Variants in CERS3 observed in about 807,000 individuals in gnomAD.
The protein encoded by CERS3 is LAG1 homolog, ceramide synthase 3.
In CERS3, 33 loss-of-function variants were observed where a neutral mutation model predicts 50.3. The observed-to-expected ratio is 0.66, with a 90% confidence interval of 0.50 to 0.88. The LOEUF is 0.88. CERS3 is among the 40% of genes least tolerant of loss of function. The pLI is 0.00. For missense variants in CERS3, 470 were observed against 460.3 expected (o/e 1.02, Z -0.19); for synonymous variants, 176 against 155.2 (o/e 1.13, Z -0.99).
rs986533297 is a variant in CERS3 at position 100,421,821 on chromosome 15, C to T, written c.1000-18956G>A. Among the ~76,000 whole-genome samples, 18 of 101,674 alleles carry T rather than the reference C, an allele frequency of 1.8e-4. 1 individual carries two copies. Among genetic ancestry groups the T allele is most frequent in the Admixed American group, 7.7e-4 (7 of 9,052 alleles). The allele number at this position is 101,674 out of a possible 152,430, so 66.7% of individuals were successfully genotyped here. ...TGATCTTTGACAAACCTGAGAAAAA[C>T]AAGCAATGGGGAAAGGATTCCCTAT... On this transcript the variant is annotated intron_variant, in intron 11 of 11. Coordinates refer to ENST00000679737, the MANE Select transcript of CERS3 (RefSeq NM_001378789.1).
rs950942254 is a variant in CERS3 at position 100,455,946 on chromosome 15, G to C, written c.946C>G (p.Leu316Val). 2 of 1,613,334 alleles carry C rather than the reference G, an allele frequency of 1.2e-6. No homozygotes were observed. Among genetic ancestry groups the C allele is most frequent in the Non-Finnish European group, 8.5e-7 (1 of 1,179,524 alleles). ...LQLMILQVLHLYWGYYILKML... is the reference protein window; with the variant it reads ...LQLMILQVLHVYWGYYILKML... Reference sequence around the variant, plus strand: ...TTCAAGATGTAATAACCCCAGTAAAGGTGAAGGACCTGCAAGATCATGAGC... The same window carrying C: ...TTCAAGATGTAATAACCCCAGTAAACGTGAAGGACCTGCAAGATCATGAGC... Residue 316 changes from leucine (L) to valine (V), a missense_variant, in exon 11 of 12, where the codon CTT becomes GTT. By Grantham distance (32) the Leu-to-Val change is conservative. Transcript: ENST00000679737.
intron 11 of CERS3, among the ~76,000 whole-genome samples, chr15:100,427,246 T>A (rs1437524029): frequency 1.3e-5 from 2 of 151,994 alleles, no homozygotes; most frequent in East Asian, 1.9e-4. Context: ...CAGCGCTGCA[T>A]CCCTGTCTCG....
chr15:100,405,244 A>AAC (rs2030911216), intron 11 of CERS3, among the ~76,000 whole-genome samples: 1 of 38,744 alleles, frequency 2.6e-5, no homozygotes, highest in African/African-American at 6.7e-5. Flanking sequence ...AAAAAAAAAA[A>AAC]AAAACAAAAA....
chr15:100,520,827 C>G (rs9806246), intron 2 of CERS3, among the ~76,000 whole-genome samples: 1 of 152,072 alleles, frequency 6.6e-6, no homozygotes, highest in Non-Finnish European at 1.5e-5. Flanking sequence ...CAGCTGGTGC[C>G]GGGAGAGCAT....
intron 10 of CERS3, among the ~76,000 whole-genome samples, chr15:100,456,410 T>C (rs919636937): frequency 1.3e-5 from 2 of 152,204 alleles, no homozygotes; most frequent in African/African-American, 2.4e-5. Context: ...ATAATGCATG[T>C]TTACATGAGG....
chr15:100,424,221 G>A (rs2032663363), intron 11 of CERS3, among the ~76,000 whole-genome samples: 1 of 152,156 alleles, frequency 6.6e-6, no homozygotes, highest in South Asian at 2.1e-4. Context: ...GATTACAGGT[G>A]TGAGCCACCA....
At position 100,424,093 on chromosome 15, in the gene CERS3, C is replaced by T. The variant is rs145922853; in HGVS notation, c.1000-21228G>A. 1.5e-4 allele frequency among the ~76,000 whole-genome samples: 23 copies of T among 152,228 alleles called. 1 individual carries two copies. In the East Asian group the frequency reaches 4.4e-3, roughly 29 times the overall value. On this transcript the variant is annotated intron_variant, in intron 11 of 11. Coordinates refer to ENST00000679737, the MANE Select transcript of CERS3 (RefSeq NM_001378789.1). ...GGTAGCTTGGATTACAGGTATGCACCACCATGCTCAGCTAATTTTGTATTT... is the reference window on the plus strand; with the variant it reads ...GGTAGCTTGGATTACAGGTATGCACTACCATGCTCAGCTAATTTTGTATTT...
At chr15:100,505,232 T>C (rs2036142983) in intron 2 of CERS3, among the ~76,000 whole-genome samples, 2 of 152,194 alleles carry the variant, frequency 1.3e-5, no homozygotes, top group South Asian at 4.1e-4. Context: ...TTATACAAAA[T>C]AGCTTGCTCA....
chr15:100,493,272 GTTTA>G (rs961861086), intron 3 of CERS3, among the ~76,000 whole-genome samples: 8 of 152,060 alleles, frequency 5.3e-5, no homozygotes, highest in African/African-American at 1.9e-4. Flanking sequence ...CTTGGTTTTT[GTTTA>G]TTTGAGAATG....
At chr15:100,456,965 T>C (rs2034394186) in intron 10 of CERS3, among the ~76,000 whole-genome samples, 1 of 150,126 alleles carries the variant, frequency 6.7e-6, no homozygotes, top group African/African-American at 2.4e-5. Context: ...AAAAAAGATA[T>C]TATTGCCATA....
intron 11 of CERS3, among the ~76,000 whole-genome samples, chr15:100,420,704 T>C (rs1017039853): frequency 1.9e-4 from 28 of 151,070 alleles, no homozygotes; most frequent in Non-Finnish European, 3.7e-4. Context: ...GCAAAACGAA[T>C]CCAGCAGCAC....
intron 3 of CERS3, among the ~76,000 whole-genome samples, chr15:100,497,896 CTT>C (rs377191111): frequency 1.7e-4 from 11 of 63,592 alleles, no homozygotes; most frequent in South Asian, 5.7e-4. Context: ...CACACACACA[CTT>C]TTTTTTTTTT....
At chr15:100,542,785 A>G (rs1357901494) in intron 1 of CERS3, among the ~76,000 whole-genome samples, 1 of 150,990 alleles carries the variant, frequency 6.6e-6, no homozygotes, top group Non-Finnish European at 1.5e-5. Flanking sequence ...ACAAATATAT[A>G]TGTATATGTA....
At chr15:100,536,422 C>T (rs145491259) in intron 1 of CERS3, among the ~76,000 whole-genome samples, 15 of 152,198 alleles carry the variant, frequency 9.9e-5, no homozygotes, top group African/African-American at 3.6e-4. Flanking sequence ...GTAGCTGGGA[C>T]GACAGGCACA....
At chr15:100,483,787 A>ATTATTATTATTTTTTTTTT (rs760594142) in intron 5 of CERS3, among the ~76,000 whole-genome samples, 2 of 100,040 alleles carry the variant, frequency 2.0e-5, no homozygotes, top group African/African-American at 3.8e-5. Flanking sequence ...TATTATTATT[A>ATTATTATTATTTTTTTTTT]TTTTTTTTTT....
At chr15:100,479,862 T>G in intron 6 of CERS3, 127 bp downstream of exon 6, 1 of 705,216 alleles carries the variant, frequency 1.4e-6, no homozygotes, top group Non-Finnish European at 2.4e-6. Flanking sequence ...AGACAAATGT[T>G]GAATCTTGAG....
intron 11 of CERS3, among the ~76,000 whole-genome samples, chr15:100,417,559 C>G (rs376640113): frequency 6.6e-6 from 1 of 151,920 alleles, no homozygotes; most frequent in Non-Finnish European, 1.5e-5. Flanking sequence ...CCTGGAAGCT[C>G]GAACTGGGTG....
chr15:100,466,981 G>T (rs1024454175), intron 10 of CERS3, among the ~76,000 whole-genome samples: 9 of 151,668 alleles, frequency 5.9e-5, no homozygotes, highest in African/African-American at 1.5e-4. Flanking sequence ...AGGCTCCCGA[G>T]TGGCTGGGAT....
chr15:100,501,857 A>C lies in CERS3; in HGVS notation c.-1-7T>G. Reference sequence around the variant, plus strand: ...TTTAAACGTCCAAAACATTCTAGAGAAATGGAAACAGACATTAGGCTTGTA... The same window carrying C: ...TTTAAACGTCCAAAACATTCTAGAGCAATGGAAACAGACATTAGGCTTGTA... On this transcript the variant is annotated splice_polypyrimidine_tract_variant and splice_region_variant and intron_variant, in intron 2 of 11. Transcript: ENST00000679737. The C allele has an allele frequency of 6.2e-7, 1 of 1,613,414 alleles. No individual in the cohort carries two copies. The highest frequency in any genetic ancestry group is 8.5e-7 in the Non-Finnish European group (1 of 1,179,676).
Sources: allele counts gnomAD v4.1 joint callset (sites outside exome capture counted in the v4.1 genomes callset), GRCh38; gene constraint gnomAD v4.1.1; transcripts MANE v1.5; gene names NCBI Gene and HGNC (gene_info 2026-07-23, HGNC 2026-07-21).